Variants in SUPT16H observed in about 807,000 individuals in gnomAD.
SUPT16H encodes the protein FACT complex subunit SPT16.
SUPT16H carries 24 observed loss-of-function variants against 136.2 expected under a neutral mutation model. The observed-to-expected ratio is 0.18, with a 90% CI of 0.13 to 0.25. SUPT16H has a LOEUF of 0.25. SUPT16H is among the 10% of genes least tolerant of loss of function. The probability of loss-of-function intolerance (pLI) is 1.00; values close to 1 mark genes in which losing one functional copy is unlikely to be tolerated. For synonymous variants in SUPT16H, 415 were observed against 428.2 expected (o/e 0.97, Z 0.38); for missense variants, 623 against 1,270.2 (o/e 0.49, Z 7.74).
rs750476707 is a variant in SUPT16H at position 21,368,354 on chromosome 14, C to T, written c.870G>A (p.Leu290=). 1.9e-6 allele frequency: 3 copies of T among 1,614,110 alleles called. No homozygotes were observed. Among genetic ancestry groups the T allele is most frequent in the South Asian group, 1.1e-5 (1 of 91,050 alleles). Residue 290 remains leucine, a synonymous_variant, in exon 7 of 26, where the codon TTG becomes TTA. Coordinates refer to ENST00000216297, the MANE Select transcript of SUPT16H (RefSeq NM_007192.4). ...GAACTTCTTGAGAAGGATCAACCAT[C>T]AAAGTGCGAACAAGGTTGGAGCAGT... The part of the protein sequence containing the change: ...KSYCSNLVRT[L]MVDPSQEVQE...
intron 5 of SUPT16H, 135 bp from the exon 6 acceptor site, chr14:21,369,490 G>A (rs1281163496): frequency 1.6e-5 from 19 of 1,199,960 alleles, no homozygotes; most frequent in Non-Finnish European, 2.2e-5. Context: ...GTAATATATT[G>A]GTATGCAGGC....
At chr14:21,379,444 A>AG (rs1163884717) in intron 1 of SUPT16H, among the ~76,000 whole-genome samples, 2 of 151,138 alleles carry the variant, frequency 1.3e-5, no homozygotes, top group Non-Finnish European at 1.5e-5. Flanking sequence ...AAAAAAAGAA[A>AG]AAAAAAAAAA....
intron 1 of SUPT16H, among the ~76,000 whole-genome samples, chr14:21,378,999 C>T (rs898137289): frequency 4.6e-5 from 7 of 152,152 alleles, no homozygotes; most frequent in African/African-American, 1.7e-4. Context: ...TTGAACCAAA[C>T]TGATACTGCC....
chr14:21,379,203 G>A (rs1316540191), intron 1 of SUPT16H, among the ~76,000 whole-genome samples: 1 of 151,978 alleles, frequency 6.6e-6, no homozygotes, highest in Non-Finnish European at 1.5e-5. Context: ...TGGGAGGCTG[G>A]GGTGGGTGGA....
chr14:21,359,916 A>G (rs1566383498), intron 18 of SUPT16H, among the ~76,000 whole-genome samples: 1 of 152,192 alleles, frequency 6.6e-6, no homozygotes, highest in African/African-American at 2.4e-5. Flanking sequence ...ACCATATAAC[A>G]CACCAAAGGA....
intron 14 of SUPT16H, 130 bp downstream of exon 14, chr14:21,362,664 T>C: frequency 1.9e-6 from 2 of 1,057,318 alleles, no homozygotes; most frequent in South Asian, 1.7e-5. Flanking sequence ...ACAAGAGGGA[T>C]GTCAGTAACT....
chr14:21,359,769 G>A (rs530525900), intron 18 of SUPT16H, among the ~76,000 whole-genome samples, 160 bp from the exon 19 acceptor site: 2 of 152,332 alleles, frequency 1.3e-5, no homozygotes, highest in African/African-American at 4.8e-5. Context: ...AATGGAAACA[G>A]TGTACATTTG....
At chr14:21,378,761 C>G (rs986618886) in intron 1 of SUPT16H, among the ~76,000 whole-genome samples, 4 of 152,060 alleles carry the variant, frequency 2.6e-5, no homozygotes, top group Non-Finnish European at 4.4e-5. Flanking sequence ...ATGAAAGAAA[C>G]AAAAAACTCA....
intron 1 of SUPT16H, among the ~76,000 whole-genome samples, chr14:21,377,919 C>T (rs1390924959): frequency 2.0e-5 from 3 of 152,162 alleles, no homozygotes; most frequent in South Asian, 2.1e-4. Context: ...TGAACCACTG[C>T]GCCTGGCCCA....
chr14:21,363,706 T>A (rs1432797468), intron 10 of SUPT16H, among the ~76,000 whole-genome samples: 1 of 152,192 alleles, frequency 6.6e-6, no homozygotes, highest in African/African-American at 2.4e-5. Flanking sequence ...GAGACAGAGT[T>A]TCACTCTTGT....
chr14:21,368,187 G>T, intron 7 of SUPT16H, 82 bp downstream of exon 7: 1 of 1,441,596 alleles, frequency 6.9e-7, no homozygotes, highest in Non-Finnish European at 9.5e-7. Flanking sequence ...CCAGTGTAGG[G>T]ATTACAGGTG....
chr14:21,360,402 T>A lies in SUPT16H; in HGVS notation c.2175+13A>T. 1 of 1,578,376 alleles carries A rather than the reference T, an allele frequency of 6.3e-7. No individual in the cohort carries two copies. On this transcript the variant is annotated intron_variant, in intron 18 of 25. Coordinates refer to ENST00000216297, the MANE Select transcript of SUPT16H (RefSeq NM_007192.4). ...GCCCAAGAGCTGACAGCTAGTTAAG[T>A]AGAAAGGTATACCTTGAGGTGAAAG...
rs780473200 is a variant in SUPT16H, at chr14:21,352,710, C to T, written c.3107G>A (p.Arg1036Lys). The T allele has an allele frequency of 1.2e-6, 2 of 1,614,128 alleles. No homozygotes were observed. Among genetic ancestry groups the T allele is most frequent in the Non-Finnish European group, 1.7e-6 (2 of 1,180,018 alleles). ...SSGRGSNRGS[R>K]HSSAPPKKKR... Reference sequence around the variant, plus strand: ...TTTCTTGGGGGGTGCAGAGCTGTGTCTGGAACCACGGTTAGAGCCACGGCC... The same window carrying T: ...TTTCTTGGGGGGTGCAGAGCTGTGTTTGGAACCACGGTTAGAGCCACGGCC... The change falls in exon 26 of 26, where the codon AGA (arginine) becomes AAA (lysine). Residue 1036 changes from arginine (R) to lysine (K), a missense_variant. This residue lies in a region of SUPT16H where 88 missense variants were observed against 135.5 expected (regional missense o/e 0.65). Transcript: ENST00000216297.
intron 1 of SUPT16H, among the ~76,000 whole-genome samples, chr14:21,381,553 G>A (rs983265670): frequency 1.3e-5 from 2 of 151,326 alleles, no homozygotes; most frequent in African/African-American, 4.9e-5. Context: ...GTTAATTTTA[G>A]TCATAACAGT....
chr14:21,372,247 C>T (rs1418340301), intron 2 of SUPT16H: 7 of 532,542 alleles, frequency 1.3e-5, no homozygotes, highest in Non-Finnish European at 2.3e-5. Flanking sequence ...CAATGGGGTT[C>T]AATGTATTAT....
At chr14:21,373,160 G>A (rs1886824341) in intron 2 of SUPT16H, among the ~76,000 whole-genome samples, 178 bp downstream of exon 2, 1 of 152,138 alleles carries the variant, frequency 6.6e-6, no homozygotes, top group Admixed American at 6.5e-5. Context: ...TGTCCAGGCT[G>A]GTCTTGAACT....
In SUPT16H at chr14:21,354,392, A is replaced by G. The variant is rs1464507464; in HGVS notation, c.2790+19T>C. The G allele has an allele frequency of 1.2e-6, 2 of 1,612,648 alleles. No homozygotes were observed. Among genetic ancestry groups the G allele is most frequent in the Non-Finnish European group, 1.7e-6 (2 of 1,179,270 alleles). ...CGGGCAACACTGTGTACCAGAAAAG[A>G]AACCCCACACTCACGCACCTCACCC... On this transcript the variant is annotated intron_variant, in intron 23 of 25. Coordinates refer to ENST00000216297, the MANE Select transcript of SUPT16H (RefSeq NM_007192.4).
rs957430344 is a variant in SUPT16H at position 21,359,376 on chromosome 14, G to A, written c.2301+108C>T. On this transcript the variant is annotated intron_variant, in intron 19 of 25. Transcript: ENST00000216297. ...CTCCCAAAGTGCTGGGATTACAGGCGCGAGTCACCACGCCAGCCCAGTTTG... is the reference window on the plus strand; with the variant it reads ...CTCCCAAAGTGCTGGGATTACAGGCACGAGTCACCACGCCAGCCCAGTTTG... 57 of 1,476,170 alleles carry A rather than the reference G, an allele frequency of 3.9e-5. No homozygotes were observed. In the African/African-American group the frequency reaches 4.6e-4, roughly 12 times the overall value. The allele number at this position is 1,476,170 out of a possible 1,614,324, so 91.4% of individuals were successfully genotyped here.
At chr14:21,362,358 T>G (rs373073129) in intron 14 of SUPT16H, 34 bp from the exon 15 acceptor site, 16 of 1,596,382 alleles carry the variant, frequency 1.0e-5, no homozygotes, top group Non-Finnish European at 1.4e-5. Flanking sequence ...AGTAAACAGA[T>G]TTCTTTCCTA....
Sources: gnomAD v4.1 joint callset for allele counts (sites outside exome capture counted in the v4.1 genomes callset) on GRCh38, gnomAD v4.1.1 for gene constraint, gnomAD v4.1.1 regional missense constraint, MANE v1.5 for transcripts, NCBI Gene and HGNC (gene_info 2026-07-23, HGNC 2026-07-21) for gene names.